The following RARB variants were observed in gnomAD, a reference collection of about 807,000 sequenced individuals.
RARB encodes retinoic acid receptor beta, also known as HBV-activated protein.
In RARB, 17 loss-of-function variants were observed where a neutral mutation model predicts 51.9. That is an observed-to-expected ratio of 0.33 (90% confidence interval 0.22 to 0.49). The LOEUF is 0.49. Among genes scored for constraint, RARB ranks in the 20% least tolerant of loss-of-function variants. RARB has a pLI of 0.99. For synonymous variants in RARB, 215 were observed against 195.4 expected, an observed-to-expected ratio of 1.10 and a Z score of -0.84; for missense variants, 369 against 550.8, an observed-to-expected ratio of 0.67 and a Z score of 3.30.
chr3:25,539,521 T>TCA (rs1699281530), intron 3 of RARB, among the ~76,000 whole-genome samples: 2 of 127,896 alleles, frequency 1.6e-5, no homozygotes, highest in African/African-American at 6.8e-5. Context: ...CTGGCCACAC[T>TCA]CTCTCTCTCT....
At chr3:24,915,011 T>C (rs972684681) in intron 2 of RARB, among the ~76,000 whole-genome samples, 3 of 152,218 alleles carry the variant, frequency 2.0e-5, no homozygotes, top group African/African-American at 7.2e-5. Flanking sequence ...ATTGATATTG[T>C]TTGTCTTTGA....
chr3:25,307,431 T>C (rs1420948908), intron 5 of RARB, among the ~76,000 whole-genome samples: 2 of 151,956 alleles, frequency 1.3e-5, no homozygotes, highest in African/African-American at 4.8e-5. Flanking sequence ...GTTCTTGGCA[T>C]AGTCTTGATG....
chr3:24,997,502 G>T (rs569937593), intron 2 of RARB, among the ~76,000 whole-genome samples: 2 of 151,748 alleles, frequency 1.3e-5, no homozygotes, highest in East Asian at 3.9e-4. Context: ...TGGTTATTTC[G>T]TATATTCTTC....
intron 5 of RARB, among the ~76,000 whole-genome samples, chr3:25,362,700 T>C (rs1705984494): frequency 6.6e-6 from 1 of 152,176 alleles, no homozygotes. Context: ...GCACAGACCC[T>C]CATGGCTTCC....
At chr3:25,261,924 A>G (rs1447271968) in intron 5 of RARB, among the ~76,000 whole-genome samples, 3 of 152,046 alleles carry the variant, frequency 2.0e-5, no homozygotes, top group African/African-American at 7.2e-5. Flanking sequence ...TCAACCTCTT[A>G]CATGGACTTC....
chr3:25,167,604 C>A (rs1487533516), intron 4 of RARB, among the ~76,000 whole-genome samples: 1 of 152,118 alleles, frequency 6.6e-6, no homozygotes, highest in Admixed American at 6.5e-5. Context: ...TGTAAGTAAG[C>A]AGAAGATAAA....
chr3:25,165,273 C>G (rs909575924), intron 4 of RARB, among the ~76,000 whole-genome samples: 4 of 152,098 alleles, frequency 2.6e-5, no homozygotes, highest in African/African-American at 4.8e-5. Context: ...TCTCTCATGT[C>G]TCTTGTTTAC....
intron 2 of RARB, among the ~76,000 whole-genome samples, chr3:24,946,343 AT>A (rs1695774295): frequency 6.6e-6 from 1 of 151,154 alleles, no homozygotes; most frequent in Admixed American, 6.6e-5. Context: ...AGTTGAGTTA[AT>A]TTTTTTGAAA....
At chr3:25,366,063 C>T (rs1215428387) in intron 5 of RARB, among the ~76,000 whole-genome samples, 1 of 152,200 alleles carries the variant, frequency 6.6e-6, no homozygotes, top group Non-Finnish European at 1.5e-5. Context: ...TTCCTACTGA[C>T]TTTTTCCCTA....
At chr3:25,206,624 G>C (rs1559505511) in intron 5 of RARB, among the ~76,000 whole-genome samples, 1 of 152,008 alleles carries the variant, frequency 6.6e-6, no homozygotes, top group Non-Finnish European at 1.5e-5. Context: ...ACCCCTTAAA[G>C]ACAAGTCAAT....
In RARB at chr3:25,416,027, G is replaced by T. The variant is rs115200272; in HGVS notation, c.179-45166G>T. On this transcript the variant is annotated intron_variant, in intron 5 of 11. Coordinates refer to the RARB transcript ENST00000383772. Reference sequence around the variant, plus strand: ...GACCTAGAGTCCTATTTTAATTAGGGTCATCATTGTCTTAATTATGGCAAC... The same window carrying T: ...GACCTAGAGTCCTATTTTAATTAGGTTCATCATTGTCTTAATTATGGCAAC... Among the ~76,000 whole-genome samples, 670 of 152,250 alleles carry T rather than the reference G, an allele frequency of 4.4e-3. 7 individuals are homozygous for T. Among genetic ancestry groups the T allele is most frequent in the African/African-American group, 0.016 (647 of 41,530 alleles).
At chr3:25,322,211 T>C (rs1309415444) in intron 5 of RARB, among the ~76,000 whole-genome samples, 2 of 19,290 alleles carry the variant, frequency 1.0e-4, no homozygotes, top group Non-Finnish European at 2.0e-4. Context: ...TTAATAAATG[T>C]TGGGGGGCGG....
In RARB at chr3:25,525,481, T is replaced by G. The variant is rs537843215; in HGVS notation, c.448+24158T>G. ...CTTCATAGACCCCCCTCAGCAAACA[T>G]AGCTTCGGGCTCATGCCTTCATGAA... On this transcript the variant is annotated intron_variant, in intron 3 of 7. Transcript: ENST00000330688. 7.2e-5 allele frequency among the ~76,000 whole-genome samples: 11 copies of G among 152,320 alleles called. No individual in the cohort carries two copies. The East Asian group carries it at 1.9e-3, about 27-fold the overall frequency.
rs1367425303 is a variant in RARB, at chr3:25,541,553, A to T, written c.449-28205A>T. Among the ~76,000 whole-genome samples, 6 of 152,324 alleles carry T rather than the reference A, an allele frequency of 3.9e-5. No individual in the cohort carries two copies. The East Asian group carries it at 1.2e-3, about 29-fold the overall frequency. On this transcript the variant is annotated intron_variant, in intron 3 of 7. Coordinates refer to ENST00000330688, the MANE Select transcript of RARB (RefSeq NM_000965.5). ...TCAGGATTCTTTTGCATCATCTTGC[A>T]GAAAAGACCAGTTCAAACTTTACAA...
chr3:25,454,906 G>A (rs1694837451), intron 1 of RARB, among the ~76,000 whole-genome samples: 1 of 152,344 alleles, frequency 6.6e-6, no homozygotes, highest in Non-Finnish European at 1.5e-5. Context: ...TTAACAGGCA[G>A]CAATGTTAAT....
At chr3:25,403,567 C>T (rs952777289) in intron 5 of RARB, among the ~76,000 whole-genome samples, 1 of 152,168 alleles carries the variant, frequency 6.6e-6, no homozygotes, top group South Asian at 2.1e-4. Context: ...TAAGCCTAGG[C>T]AGTTCAGGCT....
At chr3:25,267,714 C>T (rs1703158507) in intron 5 of RARB, among the ~76,000 whole-genome samples, 1 of 152,120 alleles carries the variant, frequency 6.6e-6, no homozygotes, top group Non-Finnish European at 1.5e-5. Context: ...ATTTAAGTTA[C>T]TCAAATTTGG....
intron 5 of RARB, among the ~76,000 whole-genome samples, chr3:25,342,337 A>G (rs988692615): frequency 7.2e-5 from 11 of 152,226 alleles, no homozygotes; most frequent in Admixed American, 1.3e-4. Context: ...TTATCACTAA[A>G]GGAACTTGGA....
chr3:25,193,082 T>C (rs896733885), intron 5 of RARB, among the ~76,000 whole-genome samples: 1 of 152,084 alleles, frequency 6.6e-6, no homozygotes, highest in Non-Finnish European at 1.5e-5. Context: ...GTTACAGGCA[T>C]GAGGGCCTCA....
Sources: allele counts gnomAD v4.1 joint callset (sites outside exome capture counted in the v4.1 genomes callset), GRCh38; gene constraint gnomAD v4.1.1; transcripts MANE v1.5; gene names NCBI Gene and HGNC (gene_info 2026-07-23, HGNC 2026-07-21).